The following TSPAN11 variants were observed in gnomAD, a reference collection of about 807,000 sequenced individuals.
TSPAN11 encodes the protein tetraspanin 11.
Under a neutral mutation model 32.9 loss-of-function variants are expected in TSPAN11, and 29 were observed. The ratio of observed to expected loss-of-function variants is 0.88; its 90% confidence interval spans 0.66 to 1.20. TSPAN11 has a LOEUF of 1.20. Ranked by LOEUF, TSPAN11 falls within the 50% of genes most tolerant of loss-of-function variation. The pLI is 0.00. For synonymous variants in TSPAN11, 140 were observed against 141.3 expected, an observed-to-expected ratio of 0.99 and a Z score of 0.07; for missense variants, 283 against 329.1, an observed-to-expected ratio of 0.86 and a Z score of 1.08.
chr12:30,933,589 A>G (rs1259934412), intron 1 of TSPAN11, among the ~76,000 whole-genome samples: 1 of 152,154 alleles, frequency 6.6e-6, no homozygotes, highest in Non-Finnish European at 1.5e-5. Flanking sequence ...CCTCTCCCTG[A>G]AGCTCATGGG....
chr12:30,949,669 C>T (rs1356359606), intron 1 of TSPAN11, among the ~76,000 whole-genome samples: 1 of 152,146 alleles, frequency 6.6e-6, no homozygotes, highest in African/African-American at 2.4e-5. Context: ...GGGGACACAG[C>T]CAAACCATAT....
intron 3 of TSPAN11, among the ~76,000 whole-genome samples, chr12:30,972,375 G>A (rs1436959482): frequency 6.6e-6 from 1 of 152,198 alleles, no homozygotes; most frequent in Non-Finnish European, 1.5e-5. Flanking sequence ...GGGAAGCTCA[G>A]AAACAAGGAT....
the TSPAN11 span, among the ~76,000 whole-genome samples, chr12:31,007,103 T>G: frequency 6.6e-6 from 1 of 152,162 alleles, no homozygotes; most frequent in Non-Finnish European, 1.5e-5. Context: ...CAGCAGAACA[T>G]TAGGAACCCT....
the TSPAN11 span, among the ~76,000 whole-genome samples, chr12:31,014,699 C>T: frequency 6.6e-6 from 1 of 152,164 alleles, no homozygotes; most frequent in Non-Finnish European, 1.5e-5. Context: ...ACTGACAGAA[C>T]AAGGGAGTCT....
At chr12:30,985,876 ACC>A (rs1939191778) in intron 7 of TSPAN11, among the ~76,000 whole-genome samples, 1 of 152,104 alleles carries the variant, frequency 6.6e-6, no homozygotes, top group Non-Finnish European at 1.5e-5. Flanking sequence ...CCCACTCAAA[ACC>A]CCCACCATGC....
chr12:30,979,243 C>T (rs909937605), intron 4 of TSPAN11, among the ~76,000 whole-genome samples: 1 of 152,168 alleles, frequency 6.6e-6, no homozygotes, highest in African/African-American at 2.4e-5. Context: ...CATTTCAAAG[C>T]ACCCTGTGTC....
Position 30,961,096 on chromosome 12 carries a change from C to A in TSPAN11, c.85-2730C>A, listed in dbSNP as rs184828804. 8.9e-4 allele frequency among the ~76,000 whole-genome samples: 135 copies of A among 151,812 alleles called. 1 individual carries two copies. The highest frequency in any genetic ancestry group is 7.5e-3 in the South Asian group (36 of 4,798). The stretch of plus-strand genomic sequence containing the variant: ...AAACCACGCTAGATTCTGTAAAGAG[C>A]CAAATACTGTTGAATCAACTGTATG... On this transcript the variant is annotated intron_variant, in intron 2 of 7. Coordinates refer to ENST00000546076, the MANE Select transcript of TSPAN11 (RefSeq NM_001370302.1).
At chr12:31,015,635 A>C in the TSPAN11 span, 1 of 152,370 alleles carries the variant, frequency 6.6e-6, no homozygotes, top group South Asian at 2.1e-4. This position sits in a 1 kb window ranked among gnomAD's most constrained non-coding sequence, Gnocchi z 4.9. Flanking sequence ...CAGGAGCCTC[A>C]GTGAATCCGA....
intron 2 of TSPAN11, among the ~76,000 whole-genome samples, chr12:30,955,438 CTATT>C (rs1938459310): frequency 6.6e-6 from 1 of 152,144 alleles, no homozygotes; most frequent in Non-Finnish European, 1.5e-5. Flanking sequence ...TTAAGAGTAA[CTATT>C]TATTTCCTGA....
At chr12:30,927,016 C>G (rs1347976854) in intron 1 of TSPAN11, 3 of 1,284,634 alleles carry the variant, frequency 2.3e-6, no homozygotes, top group Non-Finnish European at 3.0e-6. Context: ...GTATTGGTGT[C>G]TGCATGGGAC....
In TSPAN11 at chr12:30,927,437, CAT is replaced by C. The variant is rs1369662222; in HGVS notation, c.-12+642_-12+643del. ...TCACCAGCCATATGTGCAGTGTGCACATGTGTGAATTGGTGGAAAGTATGAAA... is the reference window on the plus strand; with the variant it reads ...TCACCAGCCATATGTGCAGTGTGCACGTGTGAATTGGTGGAAAGTATGAAA... On this transcript the variant is annotated intron_variant, in intron 1 of 7. Coordinates refer to ENST00000546076, the MANE Select transcript of TSPAN11 (RefSeq NM_001370302.1). 9.8e-5 allele frequency among the ~76,000 whole-genome samples: 15 copies of C among 152,304 alleles called. No individual in the cohort carries two copies. In the South Asian group the frequency reaches 1.7e-3, roughly 17 times the overall value.
chr12:30,996,445 C>T lies in TSPAN11; in HGVS notation c.*4530C>T, dbSNP rs968008357. 6.6e-6 allele frequency: 1 copy of T among 152,132 alleles called. No individual in the cohort carries two copies. The highest frequency in any genetic ancestry group is 2.1e-4 in the South Asian group (1 of 4,814). 9.4% of individuals were successfully genotyped at this position (152,132 alleles called of 1,614,324 possible). Reference sequence around the variant, plus strand: ...GCTGGCCCATGGATGTGAGTCATCACAGTATTCTAGAAACAGAGAAGAGGT... The same window carrying T: ...GCTGGCCCATGGATGTGAGTCATCATAGTATTCTAGAAACAGAGAAGAGGT... On this transcript the variant is annotated 3_prime_UTR_variant, in exon 8 of 8. Transcript: ENST00000546076.
At chr12:30,991,442 C>T (rs554765739) in intron 7 of TSPAN11, among the ~76,000 whole-genome samples, 6 of 152,314 alleles carry the variant, frequency 3.9e-5, no homozygotes, top group African/African-American at 7.2e-5. Context: ...GGAAACATTA[C>T]TCTTAGGGCC....
chr12:30,937,433 G>C (rs911435880), intron 1 of TSPAN11, among the ~76,000 whole-genome samples: 1 of 152,080 alleles, frequency 6.6e-6, no homozygotes, highest in East Asian at 1.9e-4. Context: ...GTACTTTTGG[G>C]GGGGCGGCAG....
intron 7 of TSPAN11, among the ~76,000 whole-genome samples, chr12:30,983,755 C>T (rs117993590): frequency 0.028 from 4,307 of 152,156 alleles, 84 homozygotes; most frequent in Non-Finnish European, 0.041. Flanking sequence ...TGCGATATAT[C>T]GACTGTTTAC....
chr12:30,986,077 C>T (rs1939195401), intron 7 of TSPAN11, among the ~76,000 whole-genome samples: 1 of 152,200 alleles, frequency 6.6e-6, no homozygotes, highest in African/African-American at 2.4e-5. Flanking sequence ...TGAGAAAGGG[C>T]TCATACCAGT....
At chr12:31,007,159 G>A in the TSPAN11 span, among the ~76,000 whole-genome samples, 4 of 150,206 alleles carry the variant, frequency 2.7e-5, no homozygotes, top group African/African-American at 4.9e-5. Flanking sequence ...CTAAAAACAC[G>A]AGCATTTCCA....
the TSPAN11 span, among the ~76,000 whole-genome samples, chr12:31,011,643 CTG>C: frequency 1.3e-5 from 2 of 152,256 alleles, no homozygotes; most frequent in Admixed American, 6.5e-5. Context: ...CTCAGGGACT[CTG>C]TCACACTGCC....
chr12:30,947,855 C>T (rs757792882), intron 1 of TSPAN11, among the ~76,000 whole-genome samples: 1 of 152,126 alleles, frequency 6.6e-6, no homozygotes, highest in Non-Finnish European at 1.5e-5. Context: ...TCAGCATTAA[C>T]CCAAAGGTCC....
Sources: allele counts gnomAD v4.1 joint callset (sites outside exome capture counted in the v4.1 genomes callset), GRCh38; gene constraint gnomAD v4.1.1; non-coding constraint Gnocchi (gnomAD v3.1); transcripts MANE v1.5; gene names NCBI Gene and HGNC (gene_info 2026-07-23, HGNC 2026-07-21).